Variants in GDPD1 observed in about 807,000 individuals in gnomAD.
The protein encoded by GDPD1 is lysophospholipase D GDPD1.
A neutral mutation model predicts 45.1 loss-of-function variants in GDPD1; 28 were observed. The ratio of observed to expected loss-of-function variants is 0.62; its 90% CI spans 0.46 to 0.85. The LOEUF (loss-of-function observed/expected upper bound fraction) is 0.85, where lower values mean the gene tolerates loss of function less well. GDPD1 is among the 40% of genes least tolerant of loss of function. The pLI is 0.00. For missense variants in GDPD1, 256 were observed against 364.8 expected (o/e 0.70, Z 2.43); for synonymous variants, 139 against 131.4 (o/e 1.06, Z -0.40).
intron 1 of GDPD1, among the ~76,000 whole-genome samples, chr17:59,229,045 G>A (rs1245004020): frequency 6.6e-6 from 1 of 151,076 alleles, no homozygotes; most frequent in Non-Finnish European, 1.5e-5. Flanking sequence ...GAAACTTTTT[G>A]AGCACAGACA....
Position 59,270,928 on chromosome 17 carries a change from T to C in GDPD1, c.711-8T>C. On this transcript the variant is annotated splice_polypyrimidine_tract_variant and splice_region_variant and intron_variant, in intron 7 of 9. Transcript: ENST00000284116. Reference sequence around the variant, plus strand: ...CTAATTTGTAATTCAAACTTTATTTTACCCTAGGCTAAAAGAACCACACAC... The same window carrying C: ...CTAATTTGTAATTCAAACTTTATTTCACCCTAGGCTAAAAGAACCACACAC... 6.4e-7 allele frequency: 1 copy of C among 1,570,906 alleles called. No homozygotes were observed. The highest frequency in any genetic ancestry group is 8.7e-7 in the Non-Finnish European group (1 of 1,151,390).
intron 7 of GDPD1, among the ~76,000 whole-genome samples, 169 bp downstream of exon 7, chr17:59,267,343 A>G (rs2047406681): frequency 1.3e-5 from 2 of 152,204 alleles, no homozygotes. Flanking sequence ...CACATTCTCT[A>G]AAACAAATAA....
intron 2 of GDPD1, among the ~76,000 whole-genome samples, chr17:59,236,822 T>C (rs911054524): frequency 6.6e-6 from 1 of 151,960 alleles, no homozygotes; most frequent in African/African-American, 2.4e-5. Flanking sequence ...TCATATGCTA[T>C]TGTTAATGTT....
intron 4 of GDPD1, among the ~76,000 whole-genome samples, chr17:59,253,576 G>T (rs1044350717): frequency 6.6e-6 from 1 of 151,964 alleles, no homozygotes; most frequent in African/African-American, 2.4e-5. Flanking sequence ...TCATTCTCTC[G>T]CTGTTAGATA....
chr17:59,222,208 T>G (rs947286441), intron 1 of GDPD1, among the ~76,000 whole-genome samples: 25 of 152,150 alleles, frequency 1.6e-4, no homozygotes, highest in Middle Eastern at 3.4e-3. Flanking sequence ...TTGTTTGTTT[T>G]TTTGTTTGTT....
intron 6 of GDPD1, among the ~76,000 whole-genome samples, chr17:59,260,046 G>A: frequency 1.0e-5 from 1 of 97,982 alleles, no homozygotes; most frequent in South Asian, 3.4e-4. Context: ...GGGTGACGGA[G>A]CCAGACCCTG....
chr17:59,268,401 C>G (rs1215078624), intron 7 of GDPD1, among the ~76,000 whole-genome samples: 1 of 151,142 alleles, frequency 6.6e-6, no homozygotes, highest in Non-Finnish European at 1.5e-5. Flanking sequence ...ACGGTGAAAC[C>G]CCGTCTCCAC....
intron 2 of GDPD1, 111 bp downstream of exon 2, chr17:59,234,645 G>A: frequency 1.4e-6 from 1 of 700,276 alleles, no homozygotes; most frequent in African/African-American, 1.8e-5. Flanking sequence ...GCATCAGTTT[G>A]TGATAGTTGT....
chr17:59,243,512 CAAA>C (rs780707265), intron 2 of GDPD1, among the ~76,000 whole-genome samples: 7 of 115,252 alleles, frequency 6.1e-5, no homozygotes, highest in Admixed American at 8.9e-5. Context: ...ACCCCCCAAC[CAAA>C]AAAAAAAAAA....
intron 4 of GDPD1, among the ~76,000 whole-genome samples, chr17:59,250,402 C>T (rs1249369467): frequency 6.6e-6 from 1 of 151,938 alleles, no homozygotes; most frequent in Non-Finnish European, 1.5e-5. Context: ...GGGAGGGTTG[C>T]TTGAGACCAA....
At chr17:59,221,190 C>G (rs1280790294) in intron 1 of GDPD1, among the ~76,000 whole-genome samples, 1 of 151,824 alleles carries the variant, frequency 6.6e-6, no homozygotes, top group East Asian at 1.9e-4. Flanking sequence ...TGGGAAGAGC[C>G]GAGGCGACGA....
chr17:59,260,874 C>T (rs1424975026), intron 6 of GDPD1: 1 of 152,224 alleles, frequency 6.6e-6, no homozygotes, highest in East Asian at 1.9e-4. Context: ...CAAACAACCT[C>T]TTTGGGCAAG....
At chr17:59,238,491 G>A (rs940196348) in intron 2 of GDPD1, among the ~76,000 whole-genome samples, 19 of 149,864 alleles carry the variant, frequency 1.3e-4, no homozygotes, top group African/African-American at 4.7e-4. Flanking sequence ...TCGGCTCACT[G>A]CAACCTCTGC....
chr17:59,272,703 A>C, intron 8 of GDPD1, 82 bp from the exon 9 acceptor site: 1 of 805,262 alleles, frequency 1.2e-6, no homozygotes, highest in East Asian at 2.5e-5. Flanking sequence ...GATTAAATTA[A>C]ACTGGAATTA....
intron 4 of GDPD1, among the ~76,000 whole-genome samples, chr17:59,251,545 A>G (rs8067697): frequency 0.45 from 67,866 of 150,888 alleles, 17,178 homozygotes; most frequent in African/African-American, 0.7. Flanking sequence ...AATGCTGTGG[A>G]AAAAAAAAAG....
intron 4 of GDPD1, among the ~76,000 whole-genome samples, chr17:59,256,562 C>G (rs1161705637): frequency 1.3e-5 from 2 of 152,118 alleles, no homozygotes; most frequent in Non-Finnish European, 2.9e-5. Flanking sequence ...ATCTCAGTAT[C>G]TACTAGTAGG....
intron 6 of GDPD1, among the ~76,000 whole-genome samples, chr17:59,266,341 T>C (rs747376424): frequency 1.3e-5 from 2 of 151,176 alleles, no homozygotes; most frequent in African/African-American, 4.9e-5. Flanking sequence ...TGAGCCGATA[T>C]TGTGCCACTG....
At chr17:59,228,532 G>A (rs2047064966) in intron 1 of GDPD1, among the ~76,000 whole-genome samples, 1 of 152,104 alleles carries the variant, frequency 6.6e-6, no homozygotes, top group South Asian at 2.1e-4. Context: ...AGACTTATGT[G>A]TACCAAATCC....
intron 6 of GDPD1, among the ~76,000 whole-genome samples, chr17:59,262,388 T>C (rs2047363696): frequency 1.3e-5 from 2 of 152,120 alleles, no homozygotes; most frequent in Non-Finnish European, 2.9e-5. Context: ...GACATTTCCA[T>C]ACAATGGAAT....
Sources: gnomAD v4.1 joint callset for allele counts (sites outside exome capture counted in the v4.1 genomes callset) on GRCh38, gnomAD v4.1.1 for gene constraint, MANE v1.5 for transcripts, NCBI Gene and HGNC (gene_info 2026-07-23, HGNC 2026-07-21) for gene names.